The following KIAA0930 variants were observed in gnomAD, a reference collection of about 807,000 sequenced individuals.
KIAA0930 encodes the protein KIAA0930.
KIAA0930 carries 24 observed loss-of-function variants against 43.9 expected under a neutral mutation model. The observed-to-expected ratio is 0.55, with a 90% confidence interval of 0.40 to 0.77. KIAA0930 has a LOEUF of 0.77. Among genes scored for constraint, KIAA0930 ranks in the 30% least tolerant of loss-of-function variants. KIAA0930 has a pLI of 0.00. For missense variants in KIAA0930, 461 were observed against 574.2 expected (o/e 0.80, Z 2.02); for synonymous variants, 259 against 216.4 (o/e 1.20, Z -1.73).
rs768386958 is a variant in KIAA0930 at position 45,203,967 on chromosome 22, C to T, written c.535G>A (p.Val179Ile). Residue 179 changes from valine to isoleucine, a missense_variant, in exon 6 of 10, where the codon GTA becomes ATA. Coordinates refer to ENST00000336156, the MANE Select transcript of KIAA0930 (RefSeq NM_001009880.2). ...ACACAGACCATCTCTCCTTCCCCTA[C>T]GGTCATGTCGCTGAACACCTGGGCC... is the stretch of plus-strand genomic sequence containing the variant. ...SFEEVFSDMT[V>I]GEGEMVCVEL... is the part of the protein sequence containing the mutation. 1.6e-5 allele frequency: 26 copies of T among 1,613,920 alleles called. No homozygotes were observed. Among genetic ancestry groups the T allele is most frequent in the South Asian group, 8.8e-5 (8 of 91,090 alleles).
intron 1 of KIAA0930, among the ~76,000 whole-genome samples, chr22:45,213,779 G>A (rs761728588): frequency 3.9e-5 from 6 of 152,222 alleles, no homozygotes; most frequent in Non-Finnish European, 8.8e-5. Context: ...GGAGGCTGGG[G>A]TGGGTGGATC....
Position 45,205,677 on chromosome 22 carries a change from T to C in KIAA0930, c.367A>G (p.Thr123Ala). Residue 123 changes from threonine (T) to alanine (A), a missense_variant, in exon 4 of 10, where the codon ACA (threonine) becomes GCA (alanine). By Grantham distance (58) the Thr-to-Ala change is moderately conservative (BLOSUM62 0). Transcript: ENST00000336156. The stretch of plus-strand genomic sequence containing the variant: ...TGAATGTCCCCGCCGTCAGCACGTG[T>C]GCACACCGCACAGGTCACCATGTAG... ...LDYMVTCAVC[T>A]RADGGDIHIH... The C allele has an allele frequency of 9.3e-6, 15 of 1,614,114 alleles. No individual in the cohort carries two copies. Among genetic ancestry groups the C allele is most frequent in the African/African-American group, 1.3e-5 (1 of 75,016 alleles).
chr22:45,212,907 T>C lies in KIAA0930; in HGVS notation c.65-800A>G, dbSNP rs541044542. On this transcript the variant is annotated intron_variant, in intron 1 of 9. Coordinates refer to ENST00000336156, the MANE Select transcript of KIAA0930 (RefSeq NM_001009880.2). ...CCACGGGCACACAGCAGGATCAACA[T>C]AGGTGGGTCTGTCCCCTCTCTAGAC... Among the ~76,000 whole-genome samples, 4 of 152,226 alleles carry C rather than the reference T, an allele frequency of 2.6e-5. No homozygotes were observed. In the East Asian group the frequency reaches 5.8e-4, roughly 22 times the overall value.
chr22:45,198,115 G>A (rs962491107), intron 8 of KIAA0930, 167 bp from the exon 9 acceptor site: 23 of 634,130 alleles, frequency 3.6e-5, no homozygotes, highest in South Asian at 3.2e-4. Context: ...CTGCCTCCTC[G>A]CCTGTAACAC....
rs112931423 is a variant in KIAA0930, at chr22:45,224,753, G to A, written c.65-12646C>T. Among the ~76,000 whole-genome samples, 608 of 152,264 alleles carry A rather than the reference G, an allele frequency of 4.0e-3. 5 individuals are homozygous for A. The highest frequency in any genetic ancestry group is 0.029 in the South Asian group (138 of 4,826). ...AGGAATCAAGCAGGCAAAGGTGGAC[G>A]GCATTCAACGCTCCCCTTGGGGGAA... On this transcript the variant is annotated intron_variant, in intron 1 of 9. Transcript: ENST00000336156.
chr22:45,211,278 T>C (rs577646306), intron 2 of KIAA0930: 1 of 397,502 alleles, frequency 2.5e-6, no homozygotes, highest in Non-Finnish European at 4.4e-6. Flanking sequence ...GTCTGGCATA[T>C]GGAGTTGATT....
chr22:45,209,946 G>C lies in KIAA0930; in HGVS notation c.216+2010C>G, dbSNP rs2083677987. Among the ~76,000 whole-genome samples, 4 of 152,096 alleles carry C rather than the reference G, an allele frequency of 2.6e-5. No homozygotes were observed. The South Asian group carries it at 8.3e-4, about 32-fold the overall frequency. On this transcript the variant is annotated intron_variant, in intron 2 of 9. Transcript: ENST00000336156. ...CTAGATCCAGGGCTGCGCTTTCTCA[G>C]TGGAGGGCTCTCACCTTTAACTTCT... is the stretch of plus-strand genomic sequence containing the variant.
chr22:45,214,618 A>C (rs1601818320), intron 1 of KIAA0930, among the ~76,000 whole-genome samples: 1 of 152,236 alleles, frequency 6.6e-6, no homozygotes, highest in East Asian at 1.9e-4. Context: ...ATCAAAACTC[A>C]TCAAACTTAG....
chr22:45,209,785 A>C (rs2083676681), intron 2 of KIAA0930, among the ~76,000 whole-genome samples: 1 of 152,098 alleles, frequency 6.6e-6, no homozygotes, highest in African/African-American at 2.4e-5. Flanking sequence ...TGTTCAATAG[A>C]ACATTCTAGC....
chr22:45,206,652 A>G (rs2083640712), intron 2 of KIAA0930, among the ~76,000 whole-genome samples: 1 of 152,106 alleles, frequency 6.6e-6, no homozygotes, highest in South Asian at 2.1e-4. Flanking sequence ...AATACATATC[A>G]GAGAGAAACC....
chr22:45,197,171 C>A lies in KIAA0930; in HGVS notation c.*5G>T, dbSNP rs375095852. The A allele has an allele frequency of 3.9e-6, 6 of 1,547,706 alleles. No homozygotes were observed. Among genetic ancestry groups the A allele is most frequent in the Non-Finnish European group, 4.4e-6 (5 of 1,145,138 alleles). On this transcript the variant is annotated 3_prime_UTR_variant, in exon 10 of 10. Coordinates refer to ENST00000336156, the MANE Select transcript of KIAA0930 (RefSeq NM_001009880.2). ...GCCGGGGCTCTGCGCAGGCTCCGCA[C>A]GCGGCTAGGTCATCAGGATGGGCTT...
rs1255564911 is a variant in KIAA0930 at position 45,192,882 on chromosome 22, C to A, written c.*4294G>T. ...GGGCTCGGAGAAGGGGCTCAGGGGT[C>A]CTTTTGCCACTGAGGATCAAGCCAG... On this transcript the variant is annotated 3_prime_UTR_variant, in exon 10 of 10. Transcript: ENST00000336156. 1.3e-5 allele frequency: 2 copies of A among 152,216 alleles called. No homozygotes were observed. Among genetic ancestry groups the A allele is most frequent in the Non-Finnish European group, 2.9e-5 (2 of 68,070 alleles). The allele number at this position is 152,216 out of a possible 1,614,324, so 9.4% of individuals were successfully genotyped here.
rs935927302 is a variant in KIAA0930 at position 45,192,849 on chromosome 22, G to A, written c.*4327C>T. The A allele has an allele frequency of 3.3e-5, 5 of 152,346 alleles. No individual in the cohort carries two copies. The highest frequency in any genetic ancestry group is 7.2e-5 in the African/African-American group (3 of 41,584). 9.4% of individuals were successfully genotyped at this position (152,346 alleles called of 1,614,324 possible). On this transcript the variant is annotated 3_prime_UTR_variant, in exon 10 of 10. Transcript: ENST00000336156. Reference sequence around the variant, plus strand: ...CTGAGGCCACTCGGTGTCCCGAGGAGTGCTCCAGGGCTCGGAGAAGGGGCT... The same window carrying A: ...CTGAGGCCACTCGGTGTCCCGAGGAATGCTCCAGGGCTCGGAGAAGGGGCT...
At chr22:45,233,190 G>C (rs1462075748) in intron 1 of KIAA0930, among the ~76,000 whole-genome samples, 1 of 152,080 alleles carries the variant, frequency 6.6e-6, no homozygotes, top group Non-Finnish European at 1.5e-5. Flanking sequence ...GGGAACGAAT[G>C]AATTACACCA....
chr22:45,200,976 G>T (rs1192845661), intron 7 of KIAA0930: 2 of 525,596 alleles, frequency 3.8e-6, no homozygotes. Context: ...GGGGGGAAGG[G>T]CGTTCCAGCC....
At chr22:45,214,578 G>A (rs1569078233) in intron 1 of KIAA0930, among the ~76,000 whole-genome samples, 1 of 152,208 alleles carries the variant, frequency 6.6e-6, no homozygotes, top group East Asian at 1.9e-4. Flanking sequence ...GATCTTGATT[G>A]TGACGCTGGT....
chr22:45,203,005 C>A lies in KIAA0930; in HGVS notation c.837G>T (p.Ser279=). 6.2e-7 allele frequency: 1 copy of A among 1,609,356 alleles called. No individual in the cohort carries two copies. The change falls in exon 7 of 10, where the codon TCG becomes TCT. Residue 279 remains serine (S), a synonymous_variant. Transcript: ENST00000336156. ...CAGCCCTTACCCGCTCGTGCATGGG[C>A]GAAGCTGGGCTGGAGTCCTCTTCAG... ...CGTEEDSSPA[S]PMHERVTSFS...
intron 7 of KIAA0930, among the ~76,000 whole-genome samples, chr22:45,201,993 C>CAAAT (rs1379496327): frequency 6.6e-6 from 1 of 152,248 alleles, no homozygotes; most frequent in East Asian, 1.9e-4. Flanking sequence ...CAAAGCCTCC[C>CAAAT]AAATACTGAA....
Position 45,193,697 on chromosome 22 carries a change from GTTCTC to G in KIAA0930, c.*3474_*3478del, listed in dbSNP as rs757468159. ...GCTATAGAGTATCTTGCGTCCTTTT[GTTCTC>G]TTCTGACTACCTGTCACTCATGTTT... On this transcript the variant is annotated 3_prime_UTR_variant, in exon 10 of 10. Coordinates refer to ENST00000336156, the MANE Select transcript of KIAA0930 (RefSeq NM_001009880.2). 2 of 152,144 alleles carry G rather than the reference GTTCTC, an allele frequency of 1.3e-5. No individual in the cohort carries two copies. Among genetic ancestry groups the G allele is most frequent in the Non-Finnish European group, 2.9e-5 (2 of 68,036 alleles). 9.4% of individuals were successfully genotyped at this position (152,144 alleles called of 1,614,324 possible).
Sources: allele counts gnomAD v4.1 joint callset (sites outside exome capture counted in the v4.1 genomes callset), GRCh38; gene constraint gnomAD v4.1.1; transcripts MANE v1.5; gene names NCBI Gene and HGNC (gene_info 2026-07-23, HGNC 2026-07-21).